CCSER1: variants seen among roughly 807,000 people sequenced by gnomAD.
CCSER1 encodes the protein coiled-coil serine rich protein 1, also known as serine-rich coiled-coil domain-containing protein 1.
CCSER1 carries 41 observed loss-of-function variants against 82.0 expected under a neutral mutation model. That is an observed-to-expected ratio of 0.50 (90% confidence interval 0.39 to 0.65). The LOEUF (loss-of-function observed/expected upper bound fraction) is 0.65, where lower values mean the gene tolerates loss of function less well. Ranked by LOEUF, CCSER1 falls within the 30% of genes least tolerant of loss-of-function variation. The pLI, the probability that CCSER1 is intolerant of heterozygous loss-of-function variation, is 0.00. For synonymous variants in CCSER1, 414 were observed against 383.9 expected (o/e 1.08, Z -0.92); for missense variants, 1,119 against 1,064.2 (o/e 1.05, Z -0.72).
At chr4:90,757,685 A>G (rs1163195396) in intron 7 of CCSER1, among the ~76,000 whole-genome samples, 1 of 152,180 alleles carries the variant, frequency 6.6e-6, no homozygotes, top group African/African-American at 2.4e-5. Flanking sequence ...CTAATCAGGG[A>G]GCTAGCTGCA....
intron 1 of CCSER1, among the ~76,000 whole-genome samples, chr4:90,129,879 T>G (rs1384195177): frequency 6.6e-6 from 1 of 152,222 alleles, no homozygotes; most frequent in Non-Finnish European, 1.5e-5. Context: ...TTCGGAGGGT[T>G]ATTACCTCAA....
chr4:91,078,890 A>C (rs1722346915), intron 9 of CCSER1, among the ~76,000 whole-genome samples: 1 of 152,196 alleles, frequency 6.6e-6, no homozygotes, highest in Non-Finnish European at 1.5e-5. Flanking sequence ...AAAAAGTAAA[A>C]AGAAATGAAC....
At chr4:90,690,411 C>A (rs557471523) in intron 6 of CCSER1, among the ~76,000 whole-genome samples, 1 of 151,978 alleles carries the variant, frequency 6.6e-6, no homozygotes, top group African/African-American at 2.4e-5. Context: ...TTTCACTCAC[C>A]GCTTAGAGAA....
At chr4:91,224,119 C>G (rs1260697429) in intron 10 of CCSER1, among the ~76,000 whole-genome samples, 1 of 150,332 alleles carries the variant, frequency 6.7e-6, no homozygotes, top group Non-Finnish European at 1.5e-5. Context: ...ATTAATAACT[C>G]CCGCGCTTAA....
At chr4:91,047,417 C>CATCTCTCT (rs1297947972) in intron 9 of CCSER1, among the ~76,000 whole-genome samples, 7 of 152,064 alleles carry the variant, frequency 4.6e-5, no homozygotes, top group Non-Finnish European at 2.9e-5. Context: ...TCCATCTCTC[C>CATCTCTCT]ATCTCTCTAC....
intron 1 of CCSER1, among the ~76,000 whole-genome samples, chr4:90,137,728 G>C (rs1045755805): frequency 1.3e-5 from 2 of 152,128 alleles, no homozygotes; most frequent in East Asian, 3.8e-4. Flanking sequence ...CACCTTTGAC[G>C]CAGAGGAGCT....
intron 7 of CCSER1, among the ~76,000 whole-genome samples, chr4:90,799,860 A>G (rs1265201117): frequency 1.3e-5 from 2 of 152,174 alleles, no homozygotes; most frequent in Admixed American, 1.3e-4. Flanking sequence ...GTAGTGGTCA[A>G]CGGGGCTCCT....
intron 9 of CCSER1, among the ~76,000 whole-genome samples, chr4:91,074,746 G>T (rs147912347): frequency 6.6e-6 from 1 of 152,306 alleles, no homozygotes; most frequent in East Asian, 1.9e-4. Context: ...TCTTTCCTGT[G>T]CCTTCACGGC....
intron 4 of CCSER1, 105 bp from the exon 5 acceptor site, chr4:90,468,129 G>T (rs1194356071): frequency 3.1e-6 from 3 of 958,300 alleles, no homozygotes; most frequent in East Asian, 5.7e-5. Flanking sequence ...TGTTTTATTA[G>T]AATTAGATCT....
intron 1 of CCSER1, among the ~76,000 whole-genome samples, chr4:90,177,518 C>T (rs1239014906): frequency 6.6e-6 from 1 of 152,062 alleles, no homozygotes; most frequent in Non-Finnish European, 1.5e-5. Context: ...TAGAGACTGA[C>T]CTTCTGAATA....
At chr4:91,386,853 T>C (rs1751329808) in intron 10 of CCSER1, among the ~76,000 whole-genome samples, 3 of 151,948 alleles carry the variant, frequency 2.0e-5, no homozygotes, top group African/African-American at 7.2e-5. Context: ...TGAAATATTA[T>C]ATTAAGGAAA....
chr4:91,426,302 G>A (rs1018660651), intron 10 of CCSER1, among the ~76,000 whole-genome samples: 2 of 152,148 alleles, frequency 1.3e-5, no homozygotes, highest in African/African-American at 4.8e-5. Flanking sequence ...GGACATTTGG[G>A]TTGGTTCCAA....
chr4:91,422,102 C>T (rs992467333), intron 10 of CCSER1, among the ~76,000 whole-genome samples: 2 of 152,062 alleles, frequency 1.3e-5, no homozygotes, highest in Non-Finnish European at 2.9e-5. Flanking sequence ...GTAGCCCTGT[C>T]CACACCTTGA....
Position 90,421,733 on chromosome 4 carries a change from G to T in CCSER1, c.1603+21604G>T, listed in dbSNP as rs1026957557. 2.0e-5 allele frequency among the ~76,000 whole-genome samples: 3 copies of T among 152,228 alleles called. No homozygotes were observed. In the South Asian group the frequency reaches 6.2e-4, roughly 32 times the overall value. The stretch of plus-strand genomic sequence containing the variant: ...ACATAAAAAGCATATAAAAAGTTTA[G>T]AGTTGTAGGATTGGCGGAAACAGTG... On this transcript the variant is annotated intron_variant, in intron 4 of 10. Transcript: ENST00000509176.
At chr4:90,616,388 A>G (rs1180400335) in intron 5 of CCSER1, among the ~76,000 whole-genome samples, 1 of 152,090 alleles carries the variant, frequency 6.6e-6, no homozygotes, top group East Asian at 1.9e-4. Context: ...AATAAGAGAA[A>G]AAATGTTTTA....
At chr4:90,563,198 G>A (rs1038500348) in intron 5 of CCSER1, among the ~76,000 whole-genome samples, 2 of 151,724 alleles carry the variant, frequency 1.3e-5, no homozygotes, top group African/African-American at 2.4e-5. Context: ...TGCAACCTCC[G>A]CCTCCCGGGT....
chr4:91,008,474 C>T (rs1738712576), intron 9 of CCSER1, among the ~76,000 whole-genome samples: 1 of 152,124 alleles, frequency 6.6e-6, no homozygotes, highest in Admixed American at 6.5e-5. Context: ...TCTCTTGTGA[C>T]AGTTTTTAAC....
intron 10 of CCSER1, among the ~76,000 whole-genome samples, chr4:91,144,350 T>G (rs1228627393): frequency 1.1e-4 from 16 of 152,144 alleles, no homozygotes. Flanking sequence ...GGATCTCTCT[T>G]TTTTTCTCTG....
intron 10 of CCSER1, among the ~76,000 whole-genome samples, chr4:91,174,086 T>G (rs1733052068): frequency 6.6e-6 from 1 of 152,190 alleles, no homozygotes; most frequent in African/African-American, 2.4e-5. Flanking sequence ...GAAGGGATCT[T>G]GAAGCTTAAG....
Sources: gnomAD v4.1 joint callset for allele counts (sites outside exome capture counted in the v4.1 genomes callset) on GRCh38, gnomAD v4.1.1 for gene constraint, MANE v1.5 for transcripts, NCBI Gene and HGNC (gene_info 2026-07-23, HGNC 2026-07-21) for gene names.